Variants in CEP63 observed in about 807,000 individuals in gnomAD.
CEP63 encodes the protein centrosomal protein 63.
Under a neutral mutation model 89.1 loss-of-function variants are expected in CEP63, and 84 were observed. That is an observed-to-expected ratio of 0.94 (90% CI 0.79 to 1.13). The LOEUF is 1.13. Among genes scored for constraint, CEP63 ranks in the 50% most tolerant of loss-of-function variants. CEP63 has a pLI of 0.00. For missense variants in CEP63, 838 were observed against 813.3 expected (o/e 1.03, Z -0.37); for synonymous variants, 267 against 272.5 (o/e 0.98, Z 0.20).
At chr3:134,581,897 G>A (rs567909394) in intron 10 of CEP63, among the ~76,000 whole-genome samples, 17 of 151,582 alleles carry the variant, frequency 1.1e-4, no homozygotes, top group Non-Finnish European at 8.8e-5. Context: ...GGATGGTCTC[G>A]ATCTCCTGAC....
the CEP63 span, among the ~76,000 whole-genome samples, chr3:134,627,337 T>C: frequency 4.6e-5 from 7 of 152,262 alleles, no homozygotes; most frequent in East Asian, 1.3e-3. Flanking sequence ...GGAAGGCAAA[T>C]GAAGGGCAAA....
chr3:134,555,567 G>A (rs919120885), intron 12 of CEP63, among the ~76,000 whole-genome samples: 4 of 151,684 alleles, frequency 2.6e-5, no homozygotes, highest in African/African-American at 7.3e-5. Flanking sequence ...AACTTACAAG[G>A]GATGTGAAGG....
intron 3 of CEP63, among the ~76,000 whole-genome samples, chr3:134,509,344 A>G (rs1392855841): frequency 6.6e-6 from 1 of 152,166 alleles, no homozygotes; most frequent in Non-Finnish European, 1.5e-5. Context: ...CTACAACGAG[A>G]ACAGCACCAG....
At chr3:134,772,364 C>T in the CEP63 span, among the ~76,000 whole-genome samples, 6 of 152,148 alleles carry the variant, frequency 3.9e-5, no homozygotes, top group Admixed American at 6.5e-5. Flanking sequence ...TTCTGTTAGC[C>T]GGCCATAATG....
At chr3:134,584,211 A>G (rs1958429467) in intron 10 of CEP63, among the ~76,000 whole-genome samples, 1 of 152,186 alleles carries the variant, frequency 6.6e-6, no homozygotes, top group Admixed American at 6.5e-5. Flanking sequence ...TTCCAACACC[A>G]TATTGAATAG....
the CEP63 span, among the ~76,000 whole-genome samples, chr3:134,620,178 T>C: frequency 6.6e-6 from 1 of 152,056 alleles, no homozygotes; most frequent in East Asian, 1.9e-4. Context: ...ACCCGGGAGC[T>C]TCCCAAGGCC....
At chr3:134,622,211 G>C in the CEP63 span, among the ~76,000 whole-genome samples, 1 of 152,096 alleles carries the variant, frequency 6.6e-6, no homozygotes. Flanking sequence ...TCAGTCCAAG[G>C]TACGCAACCA....
chr3:134,507,689 T>G (rs1943817558), intron 3 of CEP63, among the ~76,000 whole-genome samples: 1 of 152,084 alleles, frequency 6.6e-6, no homozygotes, highest in Non-Finnish European at 1.5e-5. Context: ...TTGGTTAGAT[T>G]TAAAACAAAG....
chr3:134,570,723 G>A (rs1236358327), intron 11 of CEP63, among the ~76,000 whole-genome samples: 1 of 152,152 alleles, frequency 6.6e-6, no homozygotes, highest in African/African-American at 2.4e-5. Context: ...TATCTTTTCA[G>A]CAACACCCCA....
At chr3:134,692,732 C>A in the CEP63 span, among the ~76,000 whole-genome samples, 1 of 152,218 alleles carries the variant, frequency 6.6e-6, no homozygotes, top group African/African-American at 2.4e-5. Context: ...CCCCTTCACA[C>A]AGACGTGTGC....
the CEP63 span, chr3:134,604,312 G>T: frequency 1.2e-6 from 2 of 1,613,982 alleles, no homozygotes; most frequent in Non-Finnish European, 1.7e-6. Flanking sequence ...GTTGCCCTTG[G>T]CAAAGATCTG....
At chr3:134,695,482 A>T in the CEP63 span, among the ~76,000 whole-genome samples, 1 of 152,106 alleles carries the variant, frequency 6.6e-6, no homozygotes, top group Non-Finnish European at 1.5e-5. Context: ...TGCATCAGAG[A>T]CCCGACTCAC....
At position 134,564,088 on chromosome 3, in the gene CEP63, T is replaced by C. The variant is rs1957578997; in HGVS notation, c.*2553T>C. On this transcript the variant is annotated 3_prime_UTR_variant, in exon 15 of 15. Transcript: ENST00000675561. ...TCATAGTGCTCACTACTATCTGAAATCATTTCATTACTTGATTTATGTTTG... is the reference window on the plus strand; with the variant it reads ...TCATAGTGCTCACTACTATCTGAAACCATTTCATTACTTGATTTATGTTTG... 5.7e-6 allele frequency: 1 copy of C among 174,644 alleles called. No homozygotes were observed. Among genetic ancestry groups the C allele is most frequent in the Admixed American group, 6.5e-5 (1 of 15,302 alleles). The allele number at this position is 174,644 out of a possible 1,614,324, so 10.8% of individuals were successfully genotyped here.
At chr3:134,500,203 C>T (rs1941542151) in intron 2 of CEP63, among the ~76,000 whole-genome samples, 1 of 152,164 alleles carries the variant, frequency 6.6e-6, no homozygotes, top group Non-Finnish European at 1.5e-5. Context: ...GTATTTGGTT[C>T]TCTGCTTCTG....
intron 2 of CEP63, among the ~76,000 whole-genome samples, chr3:134,503,069 GGT>G (rs1466666999): frequency 3.4e-5 from 5 of 146,278 alleles, no homozygotes; most frequent in African/African-American, 1.3e-4. Flanking sequence ...ATTGCACTGT[GGT>G]CTGAGAAGAT....
downstream of CEP63, among the ~76,000 whole-genome samples, chr3:134,576,540 C>T (rs1477692882): frequency 3.3e-5 from 5 of 152,246 alleles, no homozygotes; most frequent in East Asian, 9.6e-4. Flanking sequence ...TGAAATGAGA[C>T]TGAGAGCGGA....
rs369315259 is a variant in CEP63, at chr3:134,573,103, G to T, written c.1330-1690G>T. Among the ~76,000 whole-genome samples the T allele has an allele frequency of 3.9e-5, 6 of 152,106 alleles. No homozygotes were observed. In the East Asian group the frequency reaches 1.2e-3, roughly 29 times the overall value. On this transcript the variant is annotated intron_variant, in intron 11 of 11. Transcript: ENST00000354446. Reference sequence around the variant, plus strand: ...ATCTCTTTTGCTCACTGTTTAATGGGGTTGTTTGCTTTTTGCTTGTTGAGT... The same window carrying T: ...ATCTCTTTTGCTCACTGTTTAATGGTGTTGTTTGCTTTTTGCTTGTTGAGT...
chr3:134,575,934 G>C (rs1958204459), downstream of CEP63, among the ~76,000 whole-genome samples: 1 of 152,114 alleles, frequency 6.6e-6, no homozygotes, highest in African/African-American at 2.4e-5. Flanking sequence ...AAATATTTTT[G>C]CAAAGATTGT....
chr3:134,633,902 G>A, the CEP63 span, among the ~76,000 whole-genome samples: 1 of 152,190 alleles, frequency 6.6e-6, no homozygotes, highest in Non-Finnish European at 1.5e-5. Context: ...AGTTAGTTTA[G>A]CATGGTCACG....
Sources: gnomAD v4.1 joint callset for allele counts (sites outside exome capture counted in the v4.1 genomes callset) on GRCh38, gnomAD v4.1.1 for gene constraint, MANE v1.5 for transcripts, NCBI Gene and HGNC (gene_info 2026-07-23, HGNC 2026-07-21) for gene names.